The following EIF4G3 variants were observed in gnomAD, a reference collection of about 807,000 sequenced individuals.
EIF4G3 encodes the protein eukaryotic translation initiation factor 4 gamma 3.
A neutral mutation model predicts 186.4 loss-of-function variants in EIF4G3; 34 were observed. That is an observed-to-expected ratio of 0.18 (90% confidence interval 0.14 to 0.24). The LOEUF (loss-of-function observed/expected upper bound fraction) is 0.24, where lower values mean the gene tolerates loss of function less well. Among genes scored for constraint, EIF4G3 ranks in the 10% least tolerant of loss-of-function variants. EIF4G3 has a pLI of 1.00. For synonymous variants in EIF4G3, 673 were observed against 679.5 expected, an observed-to-expected ratio of 0.99 and a Z score of 0.15; for missense variants, 1,536 against 1,948.5, an observed-to-expected ratio of 0.79 and a Z score of 3.99.
chr1:20,843,003 C>T (rs1487652140), intron 29 of EIF4G3, among the ~76,000 whole-genome samples: 1 of 151,914 alleles, frequency 6.6e-6, no homozygotes, highest in Non-Finnish European at 1.5e-5. Flanking sequence ...CCACCATGCC[C>T]GGCTAATTTA....
chr1:21,087,962 A>G (rs1464724490), intron 3 of EIF4G3, among the ~76,000 whole-genome samples: 2 of 151,286 alleles, frequency 1.3e-5, no homozygotes, highest in Non-Finnish European at 2.9e-5. Flanking sequence ...CATGCACAGT[A>G]GCATGTGACT....
chr1:20,853,460 T>C, intron 27 of EIF4G3, 100 bp downstream of exon 27: 1 of 671,108 alleles, frequency 1.5e-6, no homozygotes, highest in Non-Finnish European at 2.7e-6. Context: ...ATAAAAGGAA[T>C]GCATCCATAA....
chr1:20,843,449 G>A (rs994295633), intron 29 of EIF4G3, among the ~76,000 whole-genome samples: 7 of 151,868 alleles, frequency 4.6e-5, no homozygotes, highest in African/African-American at 1.2e-4. Flanking sequence ...CCCGGGAGGC[G>A]GAGGTTGCAG....
At chr1:21,045,796 A>T (rs1168601253) in intron 4 of EIF4G3, among the ~76,000 whole-genome samples, 1 of 141,114 alleles carries the variant, frequency 7.1e-6, no homozygotes, top group Non-Finnish European at 1.5e-5. Flanking sequence ...AACTTCTCTT[A>T]AAAAAAAAAA....
At chr1:20,827,744 T>A in intron 31 of EIF4G3, 46 bp from the exon 32 acceptor site, 1 of 1,347,188 alleles carries the variant, frequency 7.4e-7, no homozygotes, top group Non-Finnish European at 1.1e-6. Context: ...AAGAAATCCT[T>A]TCTTCTAGAA....
intron 7 of EIF4G3, among the ~76,000 whole-genome samples, chr1:20,995,449 T>G (rs1408648734): frequency 6.6e-6 from 1 of 152,100 alleles, no homozygotes; most frequent in Non-Finnish European, 1.5e-5. Context: ...CTTGGCTCAC[T>G]GCAAACTCTG....
chr1:20,839,651 C>T (rs3767241), intron 30 of EIF4G3, among the ~76,000 whole-genome samples: 84,427 of 151,662 alleles, frequency 0.56, 24,153 homozygotes, highest in East Asian at 0.83. Context: ...CACGCCACCA[C>T]GTTGGGCTAA....
At chr1:20,900,180 T>C (rs572059016) in intron 15 of EIF4G3, among the ~76,000 whole-genome samples, 1 of 152,286 alleles carries the variant, frequency 6.6e-6, no homozygotes, top group South Asian at 2.1e-4. Flanking sequence ...ATGAGACTAA[T>C]AATATCCAAA....
At chr1:21,154,672 TTTCA>T (rs2097607910) in intron 2 of EIF4G3, among the ~76,000 whole-genome samples, 1 of 152,222 alleles carries the variant, frequency 6.6e-6, no homozygotes, top group African/African-American at 2.4e-5. Context: ...GAAGTTCCTT[TTTCA>T]TTCAAAGGCA....
intron 4 of EIF4G3, among the ~76,000 whole-genome samples, chr1:21,021,390 T>C (rs984936601): frequency 6.6e-6 from 1 of 152,182 alleles, no homozygotes; most frequent in Admixed American, 6.5e-5. Context: ...TACTCAAATG[T>C]CAAAAAGAAT....
At chr1:21,149,631 A>G (rs2097519715) in intron 2 of EIF4G3, among the ~76,000 whole-genome samples, 2 of 152,206 alleles carry the variant, frequency 1.3e-5, no homozygotes, top group African/African-American at 4.8e-5. Flanking sequence ...GGAGTGGTCC[A>G]AAGAGCACAC....
At chr1:20,865,912 T>A (rs1294144390) in intron 20 of EIF4G3, among the ~76,000 whole-genome samples, 1 of 108,682 alleles carries the variant, frequency 9.2e-6, no homozygotes, top group African/African-American at 2.9e-5. Flanking sequence ...CAATAATAAT[T>A]GTTTTCTAAT....
intron 4 of EIF4G3, among the ~76,000 whole-genome samples, chr1:21,027,908 T>C (rs535037842): frequency 7.2e-5 from 11 of 152,228 alleles, no homozygotes; most frequent in Middle Eastern, 3.4e-3. Flanking sequence ...AGCAAATGAA[T>C]AGATAAGCAC....
chr1:20,963,606 G>A (rs2073943751), intron 12 of EIF4G3, among the ~76,000 whole-genome samples: 1 of 152,024 alleles, frequency 6.6e-6, no homozygotes, highest in Non-Finnish European at 1.5e-5. Flanking sequence ...TCTAGAAGCA[G>A]GGGGGAAAAA....
At chr1:21,111,951 AGCC>A (rs2096734196) in intron 2 of EIF4G3, among the ~76,000 whole-genome samples, 1 of 152,220 alleles carries the variant, frequency 6.6e-6, no homozygotes, top group Non-Finnish European at 1.5e-5. Flanking sequence ...TAGTGTCATT[AGCC>A]AAATTAATTC....
chr1:21,092,285 G>C (rs1401381536), intron 2 of EIF4G3, among the ~76,000 whole-genome samples: 1 of 152,128 alleles, frequency 6.6e-6, no homozygotes, highest in Non-Finnish European at 1.5e-5. Context: ...TTACATGCTG[G>C]ATTACATTTA....
At chr1:20,864,277 T>C (rs1046043204) in intron 22 of EIF4G3, among the ~76,000 whole-genome samples, 199 bp downstream of exon 22, 1 of 152,262 alleles carries the variant, frequency 6.6e-6, no homozygotes, top group South Asian at 2.1e-4. Flanking sequence ...TTTTACACAA[T>C]TTGGGACCCT....
At chr1:21,077,941 C>T (rs1010799007) in intron 3 of EIF4G3, among the ~76,000 whole-genome samples, 44 of 150,782 alleles carry the variant, frequency 2.9e-4, no homozygotes, top group Admixed American at 2.9e-3. Context: ...GGAGAATGCT[C>T]GCACTGCTGC....
At chr1:21,067,961 C>A (rs1036542796) in intron 3 of EIF4G3, among the ~76,000 whole-genome samples, 1 of 151,762 alleles carries the variant, frequency 6.6e-6, no homozygotes, top group Non-Finnish European at 1.5e-5. Context: ...AAAAAGAAAA[C>A]CCCTATGTTT....
Sources: gnomAD v4.1 joint callset for allele counts (sites outside exome capture counted in the v4.1 genomes callset) on GRCh38, gnomAD v4.1.1 for gene constraint, MANE v1.5 for transcripts, NCBI Gene and HGNC (gene_info 2026-07-23, HGNC 2026-07-21) for gene names.